Variants in ADARB1 observed in about 807,000 individuals in gnomAD.
ADARB1 encodes adenosine deaminase RNA specific B1, also known as double-stranded RNA-specific editase 1.
ADARB1 carries 10 observed loss-of-function variants against 52.4 expected under a neutral mutation model. The observed-to-expected ratio is 0.19, with a 90% CI of 0.12 to 0.32. ADARB1 has a LOEUF of 0.32. Among genes scored for constraint, ADARB1 ranks in the 10% least tolerant of loss-of-function variants. ADARB1 has a pLI of 1.00. For synonymous variants in ADARB1, 349 were observed against 371.1 expected, an observed-to-expected ratio of 0.94 and a Z score of 0.68; for missense variants, 643 against 922.3, an observed-to-expected ratio of 0.70 and a Z score of 3.92.
intron 1 of ADARB1, among the ~76,000 whole-genome samples, chr21:45,075,116 T>A (rs1476564860): frequency 1.3e-5 from 2 of 150,018 alleles, no homozygotes; most frequent in Non-Finnish European, 3.0e-5. Flanking sequence ...GGGACGAGGC[T>A]GCGCCCTGGG....
Position 45,184,925 on chromosome 21 carries a change from C to A in ADARB1, c.1399C>A (p.Pro467Thr). 1.9e-6 allele frequency: 3 copies of A among 1,609,614 alleles called. No homozygotes were observed. The highest frequency in any genetic ancestry group is 2.6e-6 in the Non-Finnish European group (3 of 1,176,348). ...FSPHEPILEE[P>T]ADRHPNRKAR... ...TTTTAACTCTTTTTCTCTCTTAGAA[C>A]CAGCAGATAGACACCCAAATCGTAA... Residue 467 changes from proline to threonine, a missense_variant and splice_region_variant, in exon 8 of 11, where the codon CCA (proline) becomes ACA (threonine). Pro to Thr is a conservative substitution (Grantham distance 38). Around this residue, in one of 2 missense-constraint regions of ADARB1, gnomAD observed 263 missense variants for 475.8 expected, o/e 0.55. Transcript: ENST00000348831.
rs1034361191 is a variant in ADARB1 at position 45,208,154 on chromosome 21, A to G, written c.1747+3418A>G. The stretch of plus-strand genomic sequence containing the variant: ...TCCAGCTTCTTATTTATGTCCATTG[A>G]TCTCCTGAGTGTGAGCTCCTCAGCT... On this transcript the variant is annotated intron_variant, in intron 9 of 10. Coordinates refer to ENST00000348831, the MANE Select transcript of ADARB1 (RefSeq NM_001112.4). This position sits in a 1 kb window ranked among gnomAD's most constrained non-coding sequence, Gnocchi z 5.6. Among the ~76,000 whole-genome samples, 2 of 152,116 alleles carry G rather than the reference A, an allele frequency of 1.3e-5. No homozygotes were observed. The highest frequency in any genetic ancestry group is 2.9e-5 in the Non-Finnish European group (2 of 68,026).
chr21:45,125,135 C>G (rs114631634), intron 1 of ADARB1, among the ~76,000 whole-genome samples: 2,268 of 152,254 alleles, frequency 0.015, 55 homozygotes, highest in African/African-American at 0.05. Flanking sequence ...TTCATTTAAC[C>G]TAAGCTTACA....
Position 45,204,746 on chromosome 21 carries a change from T to C in ADARB1, c.1747+10T>C. 5.6e-6 allele frequency: 9 copies of C among 1,611,710 alleles called. No individual in the cohort carries two copies. Among genetic ancestry groups the C allele is most frequent in the Non-Finnish European group, 7.6e-6 (9 of 1,178,598 alleles). On this transcript the variant is annotated intron_variant, in intron 9 of 10. Transcript: ENST00000348831. This position sits in a 1 kb window ranked among gnomAD's most constrained non-coding sequence, Gnocchi z 4.4. Reference sequence around the variant, plus strand: ...AAGCCTTTGCTCAGTGGCAAGTATCTCTAGAGTGTGCTGATTTAATCTCTG... The same window carrying C: ...AAGCCTTTGCTCAGTGGCAAGTATCCCTAGAGTGTGCTGATTTAATCTCTG...
intron 2 of ADARB1, among the ~76,000 whole-genome samples, chr21:45,133,111 G>A (rs1272070842): frequency 6.6e-6 from 1 of 152,248 alleles, no homozygotes; most frequent in Admixed American, 6.5e-5. Flanking sequence ...GAATCGGACA[G>A]TTGTCGAAGG....
In ADARB1 at chr21:45,200,858, G is replaced by C. The variant is rs772384089; in HGVS notation, c.1566-3697G>C. Among the ~76,000 whole-genome samples the C allele has an allele frequency of 2.1e-4, 32 of 152,216 alleles. No homozygotes were observed. Among genetic ancestry groups the C allele is most frequent in the Admixed American group, 9.8e-4 (15 of 15,290 alleles). On this transcript the variant is annotated intron_variant, in intron 8 of 10. Transcript: ENST00000348831. The surrounding 1 kb of genome is among the most constrained non-coding windows in gnomAD (Gnocchi z 5.0). The stretch of plus-strand genomic sequence containing the variant: ...TGTGTGGTCTGGCCGACGTCTGTCT[G>C]CAGCTCAGTCTCTCAGGCCGGGCCC...
chr21:45,085,101 A>G (rs1433625347), intron 1 of ADARB1, among the ~76,000 whole-genome samples: 1 of 152,178 alleles, frequency 6.6e-6, no homozygotes, highest in Non-Finnish European at 1.5e-5. Flanking sequence ...CTGCATCCCC[A>G]AGCCCTCTCT....
At position 45,109,146 on chromosome 21, in the gene ADARB1, T is replaced by C. The variant is rs557550629; in HGVS notation, c.-219-19256T>C. Among the ~76,000 whole-genome samples the C allele has an allele frequency of 9.2e-5, 14 of 151,426 alleles. No individual in the cohort carries two copies. In the South Asian group the frequency reaches 2.1e-3, roughly 23 times the overall value. On this transcript the variant is annotated intron_variant, in intron 1 of 10. Coordinates refer to ENST00000348831, the MANE Select transcript of ADARB1 (RefSeq NM_001112.4). The stretch of plus-strand genomic sequence containing the variant: ...GCCTCCTCCTGTATGCGTGTGTGTG[T>C]GCGCGCGTGTGCGTATATGTGTGTG...
intron 1 of ADARB1, among the ~76,000 whole-genome samples, chr21:45,097,681 G>A (rs1367060765): frequency 1.3e-5 from 2 of 152,182 alleles, no homozygotes; most frequent in Non-Finnish European, 2.9e-5. Flanking sequence ...TGGACAGCTG[G>A]GAGGGAGCCC....
intron 1 of ADARB1, among the ~76,000 whole-genome samples, chr21:45,076,490 AG>A (rs1369708389): frequency 6.6e-6 from 1 of 152,176 alleles, no homozygotes; most frequent in Non-Finnish European, 1.5e-5. Context: ...TCACATTTGA[AG>A]CTGTAGTTGG....
intron 2 of ADARB1, among the ~76,000 whole-genome samples, chr21:45,137,878 G>A (rs1209962095): frequency 6.6e-6 from 1 of 151,882 alleles, no homozygotes; most frequent in Non-Finnish European, 1.5e-5. Context: ...AGGCAGGAGG[G>A]GCTCTGGATA....
chr21:45,215,330 G>T (rs955304881), intron 9 of ADARB1, among the ~76,000 whole-genome samples: 1 of 152,218 alleles, frequency 6.6e-6, no homozygotes, highest in Non-Finnish European at 1.5e-5. Flanking sequence ...TTATAGGAAT[G>T]ATCCACCATA....
At chr21:45,201,378 T>G (rs1462990113) in intron 8 of ADARB1, among the ~76,000 whole-genome samples, 2 of 152,218 alleles carry the variant, frequency 1.3e-5, no homozygotes, top group Non-Finnish European at 2.9e-5. Context: ...CGTTCAGAAT[T>G]AATGACTCCT....
chr21:45,188,342 G>A (rs2092175079), intron 8 of ADARB1, among the ~76,000 whole-genome samples: 1 of 152,124 alleles, frequency 6.6e-6, no homozygotes, highest in Non-Finnish European at 1.5e-5. Flanking sequence ...CCTGACCTCA[G>A]GTGATTCACC....
intron 1 of ADARB1, among the ~76,000 whole-genome samples, chr21:45,112,454 T>C (rs7275998): frequency 0.18 from 27,468 of 151,648 alleles, 2,658 homozygotes; most frequent in East Asian, 0.32. Flanking sequence ...CCTCTTCTCT[T>C]CCCTGGACTT....
chr21:45,101,874 A>G (rs189283247), intron 1 of ADARB1, among the ~76,000 whole-genome samples: 1 of 152,298 alleles, frequency 6.6e-6, no homozygotes, highest in East Asian at 1.9e-4. Flanking sequence ...TTTATTTTAA[A>G]GTGAACATAT....
At chr21:45,098,293 C>T (rs1458199004) in intron 1 of ADARB1, among the ~76,000 whole-genome samples, 7 of 152,230 alleles carry the variant, frequency 4.6e-5, no homozygotes, top group African/African-American at 7.2e-5. Context: ...GGAGCACTCT[C>T]CCAGGTCTGC....
intron 1 of ADARB1, among the ~76,000 whole-genome samples, chr21:45,105,836 C>T (rs2087227456): frequency 6.6e-6 from 1 of 152,224 alleles, no homozygotes. Flanking sequence ...CCAAGAAGCT[C>T]ACCACTGTCC....
chr21:45,144,625 C>T, intron 2 of ADARB1: 1 of 452,220 alleles, frequency 2.2e-6, no homozygotes, highest in Non-Finnish European at 4.4e-6. Context: ...TTCAATAATC[C>T]TAAAGGTGGA....
Sources: gnomAD v4.1 joint callset for allele counts (sites outside exome capture counted in the v4.1 genomes callset) on GRCh38, gnomAD v4.1.1 for gene constraint, gnomAD v4.1.1 regional missense constraint, Gnocchi (gnomAD v3.1) non-coding constraint, MANE v1.5 for transcripts, NCBI Gene and HGNC (gene_info 2026-07-23, HGNC 2026-07-21) for gene names.